The following LRRC72 variants were observed in gnomAD, a reference collection of about 807,000 sequenced individuals.
LRRC72 encodes leucine rich repeat containing 72.
A neutral mutation model predicts 35.8 loss-of-function variants in LRRC72; 41 were observed. The ratio of observed to expected loss-of-function variants is 1.15; its 90% CI spans 0.89 to 1.49. The LOEUF is 1.49. Ranked by LOEUF, LRRC72 falls within the 40% of genes most tolerant of loss-of-function variation. LRRC72 has a pLI of 0.00. For synonymous variants in LRRC72, 118 were observed against 119.2 expected (o/e 0.99, Z 0.07); for missense variants, 389 against 330.7 (o/e 1.18, Z -1.37).
chr7:16,542,132 G>A (rs1462703191), intron 3 of LRRC72, among the ~76,000 whole-genome samples: 3 of 152,294 alleles, frequency 2.0e-5, no homozygotes, highest in African/African-American at 7.2e-5. Flanking sequence ...GAAGGGAGAG[G>A]TATAATTAGG....
chr7:16,541,141 C>G (rs1199647742), intron 3 of LRRC72, among the ~76,000 whole-genome samples: 1 of 152,244 alleles, frequency 6.6e-6, no homozygotes, highest in East Asian at 1.9e-4. Flanking sequence ...AGAGCAAGAC[C>G]GAACTAAAAT....
chr7:16,536,741 C>T (rs528549005), intron 2 of LRRC72, among the ~76,000 whole-genome samples: 5 of 151,782 alleles, frequency 3.3e-5, no homozygotes, highest in Non-Finnish European at 7.4e-5. Flanking sequence ...CTTCAGTGTC[C>T]CAAGGTTAAA....
Position 16,566,393 on chromosome 7 carries a change from G to C in LRRC72, c.508G>C (p.Asp170His), listed in dbSNP as rs755121948. Reference sequence around the variant, plus strand: ...CCACCTTCCAGGAGTGGAGCTGCTTGACCGAAATCGTAAGGACCCTTCCTT... The same window carrying C: ...CCACCTTCCAGGAGTGGAGCTGCTTCACCGAAATCGTAAGGACCCTTCCTT... ...IYHLPGVELL[D>H]RNQVTEKERR... The change falls in exon 6 of 9, where the codon GAC becomes CAC. Residue 170 changes from aspartate (D) to histidine (H), a missense_variant. Physicochemically the swap from Asp to His is moderately conservative, Grantham distance 81. Transcript: ENST00000401542. 3 of 1,543,076 alleles carry C rather than the reference G, an allele frequency of 1.9e-6. No individual in the cohort carries two copies. In the South Asian group the frequency reaches 3.6e-5, roughly 19 times the overall value.
In LRRC72 at chr7:16,567,533, A is replaced by G. The variant is rs1332490326; in HGVS notation, c.660A>G (p.Arg220=). Residue 220 remains arginine, a synonymous_variant, in exon 7 of 9, where the codon AGA becomes AGG. Transcript: ENST00000401542. The part of the protein sequence containing the change: ...KSPFKQKPAQ[R]VPSDFAFANN... ...CATTTAAGCAAAAACCAGCCCAGAGAGTACCTTCAGGTATTTCGTAAAAAA... is the reference window on the plus strand; with the variant it reads ...CATTTAAGCAAAAACCAGCCCAGAGGGTACCTTCAGGTATTTCGTAAAAAA... 2.9e-6 allele frequency: 4 copies of G among 1,379,722 alleles called. No homozygotes were observed. The highest frequency in any genetic ancestry group is 9.6e-7 in the Non-Finnish European group (1 of 1,047,042). The allele number at this position is 1,379,722 out of a possible 1,614,324, so 85.5% of individuals were successfully genotyped here.
At chr7:16,571,913 C>T (rs1375990984) in intron 7 of LRRC72, among the ~76,000 whole-genome samples, 1 of 152,180 alleles carries the variant, frequency 6.6e-6, no homozygotes, top group African/African-American at 2.4e-5. Context: ...CGGATCCCAC[C>T]CCGACAGAGC....
intron 3 of LRRC72, among the ~76,000 whole-genome samples, chr7:16,546,482 G>A (rs2128335970): frequency 6.6e-6 from 1 of 152,000 alleles, no homozygotes; most frequent in South Asian, 2.1e-4. Flanking sequence ...TGCTCCCTGG[G>A]GGGCAAAATT....
At chr7:16,578,604 CA>C (rs1783086959) in intron 7 of LRRC72, among the ~76,000 whole-genome samples, 1 of 152,166 alleles carries the variant, frequency 6.6e-6, no homozygotes, top group Non-Finnish European at 1.5e-5. Flanking sequence ...TGTATATATA[CA>C]TGTATGTGTG....
At chr7:16,557,518 C>T in intron 4 of LRRC72, 77 bp downstream of exon 4, 1 of 435,902 alleles carries the variant, frequency 2.3e-6, no homozygotes. Flanking sequence ...TTGCTAATGA[C>T]AGACAAAAAT....
At chr7:16,579,174 GTGA>G (rs2128339546) in intron 7 of LRRC72, among the ~76,000 whole-genome samples, 1 of 152,320 alleles carries the variant, frequency 6.6e-6, no homozygotes, top group East Asian at 1.9e-4. Flanking sequence ...TAGATTGAGT[GTGA>G]TGATTATTTC....
At chr7:16,575,738 C>T (rs1335307648) in intron 7 of LRRC72, among the ~76,000 whole-genome samples, 1 of 152,022 alleles carries the variant, frequency 6.6e-6, no homozygotes, top group Non-Finnish European at 1.5e-5. Context: ...AGGTGATGGC[C>T]CAAATGGAAT....
rs1418327285 is a variant in LRRC72, at chr7:16,537,638, A to T, written c.176A>T (p.Glu59Val). 6.6e-7 allele frequency: 1 copy of T among 1,526,064 alleles called. No homozygotes were observed. The highest frequency in any genetic ancestry group is 8.8e-7 in the Non-Finnish European group (1 of 1,132,438). The allele number at this position is 1,526,064 out of a possible 1,614,324, so 94.5% of individuals were successfully genotyped here. Residue 59 changes from glutamate to valine, a missense_variant, in exon 3 of 9, where the codon GAG (glutamate) becomes GTG (valine). Glu to Val is a moderately radical substitution (Grantham distance 121, BLOSUM62 -2). Coordinates refer to ENST00000401542, the MANE Select transcript of LRRC72 (RefSeq NM_001195280.2). Reference protein sequence around the residue: ...ELFLSKKELTEVIDLSRFKKL... With the variant: ...ELFLSKKELTVVIDLSRFKKL... ...TTTTTTCTTTCCAGGGAACTGACAG[A>T]GGTCATTGATCTTTCTAGGTTTAAA...
intron 7 of LRRC72, among the ~76,000 whole-genome samples, chr7:16,569,866 A>T (rs1782912415): frequency 1.3e-5 from 2 of 152,008 alleles, no homozygotes; most frequent in Admixed American, 1.3e-4. Flanking sequence ...CCCAGTCTCT[A>T]TTAAAAATGC....
intron 3 of LRRC72, among the ~76,000 whole-genome samples, chr7:16,553,134 T>C (rs1223075055): frequency 1.3e-5 from 2 of 152,224 alleles, no homozygotes; most frequent in Non-Finnish European, 2.9e-5. Flanking sequence ...CTTTTGGGGC[T>C]ATTGTTGAAA....
intron 3 of LRRC72, among the ~76,000 whole-genome samples, chr7:16,550,670 T>G (rs1229490936): frequency 6.6e-6 from 1 of 152,242 alleles, no homozygotes; most frequent in African/African-American, 2.4e-5. Context: ...TTGCTGGTAT[T>G]GCTGCTACTT....
In LRRC72 at chr7:16,567,491, A is replaced by C. The variant is rs959042084; in HGVS notation, c.618A>C (p.Ser206=). The C allele has an allele frequency of 2.6e-6, 4 of 1,523,696 alleles. No individual in the cohort carries two copies. The highest frequency in any genetic ancestry group is 3.5e-6 in the Non-Finnish European group (4 of 1,133,318). The allele number at this position is 1,523,696 out of a possible 1,614,324, so 94.4% of individuals were successfully genotyped here. ...CATTCGGAGGAAAAGTGGATGCTTC[A>C]TGGGATCCTAAATCACCATTTAAGC... ...SIAFGGKVDA[S]WDPKSPFKQK... The change falls in exon 7 of 9, where the codon TCA becomes TCC. Residue 206 remains serine, a synonymous_variant. Coordinates refer to ENST00000401542, the MANE Select transcript of LRRC72 (RefSeq NM_001195280.2).
chr7:16,542,002 C>T (rs1782366652), intron 3 of LRRC72, among the ~76,000 whole-genome samples: 1 of 152,126 alleles, frequency 6.6e-6, no homozygotes. Context: ...TGCGCGACTT[C>T]TGTTAGAAAA....
chr7:16,563,079 G>T (rs899350424), intron 5 of LRRC72, among the ~76,000 whole-genome samples: 1 of 152,056 alleles, frequency 6.6e-6, no homozygotes, highest in Admixed American at 6.6e-5. Flanking sequence ...CCTTCCACAG[G>T]CCGTTCTCTA....
chr7:16,543,955 G>T (rs992293180), intron 3 of LRRC72, among the ~76,000 whole-genome samples: 1 of 152,126 alleles, frequency 6.6e-6, no homozygotes, highest in Non-Finnish European at 1.5e-5. Flanking sequence ...ATTTGAGTTG[G>T]GCTTAAAAGT....
At chr7:16,533,321 T>A (rs1334876431) in intron 2 of LRRC72, among the ~76,000 whole-genome samples, 1 of 151,958 alleles carries the variant, frequency 6.6e-6, no homozygotes, top group Non-Finnish European at 1.5e-5. Context: ...ACAAATTGGG[T>A]TTTTCTATAG....
Sources: allele counts gnomAD v4.1 joint callset (sites outside exome capture counted in the v4.1 genomes callset), GRCh38; gene constraint gnomAD v4.1.1; transcripts MANE v1.5; gene names NCBI Gene and HGNC (gene_info 2026-07-23, HGNC 2026-07-21).